Variants in SLC60A2 observed in about 807,000 individuals in gnomAD.
SLC60A2 encodes the protein major facilitator superfamily domain containing 4B.
chr6:111,278,242 C>T, the SLC60A2 span: 1 of 152,096 alleles, frequency 6.6e-6, no homozygotes, highest in African/African-American at 2.4e-5. Flanking sequence ...CAGTAACTGC[C>T]TCATGTAATT....
the SLC60A2 span, among the ~76,000 whole-genome samples, chr6:111,272,018 G>T: frequency 1.3e-5 from 2 of 151,994 alleles, no homozygotes; most frequent in Admixed American, 1.3e-4. Flanking sequence ...GTGTCACTCA[G>T]TCCCCAATCC....
chr6:111,273,299 C>T, the SLC60A2 span, among the ~76,000 whole-genome samples: 2 of 151,962 alleles, frequency 1.3e-5, no homozygotes, highest in Non-Finnish European at 2.9e-5. Context: ...ACAGGTGTCA[C>T]TATGCTTATT....
chr6:111,278,912 A>G, the SLC60A2 span, among the ~76,000 whole-genome samples: 1 of 152,176 alleles, frequency 6.6e-6, no homozygotes, highest in Admixed American at 6.5e-5. Context: ...CGTGATTGCA[A>G]AATGTGTTCT....
the SLC60A2 span, among the ~76,000 whole-genome samples, chr6:111,274,062 C>A: frequency 6.6e-6 from 1 of 152,094 alleles, no homozygotes; most frequent in Admixed American, 6.6e-5. Flanking sequence ...CACTATGTTG[C>A]GCAGGCTGGT....
the SLC60A2 span, among the ~76,000 whole-genome samples, chr6:111,273,091 G>A: frequency 6.6e-6 from 1 of 152,168 alleles, no homozygotes; most frequent in Non-Finnish European, 1.5e-5. Context: ...TCGGGTCAGA[G>A]AAGATATTTT....
the SLC60A2 span, chr6:111,263,960 T>TC: frequency 7.6e-7 from 1 of 1,313,462 alleles, no homozygotes; most frequent in Non-Finnish European, 1.1e-6. Flanking sequence ...AGTGAGCTCT[T>TC]CAACGTCATC....
the SLC60A2 span, chr6:111,262,178 T>TA: frequency 8.4e-7 from 1 of 1,191,086 alleles, no homozygotes; most frequent in Non-Finnish European, 1.2e-6. Context: ...CCTTTTTTTT[T>TA]ATAGTGGAAG....
At chr6:111,278,648 A>G in the SLC60A2 span, 2 of 152,236 alleles carry the variant, frequency 1.3e-5, no homozygotes, top group Admixed American at 6.5e-5. Flanking sequence ...TGCCATCTAT[A>G]TAAGATGTGA....
At chr6:111,272,934 G>A in the SLC60A2 span, among the ~76,000 whole-genome samples, 15,336 of 147,968 alleles carry the variant, frequency 0.1, 1,007 homozygotes, top group Middle Eastern at 0.21. Flanking sequence ...GGGTTCAAGC[G>A]ATTCTCCTGC....
the SLC60A2 span, chr6:111,266,130 G>A: frequency 3.7e-6 from 6 of 1,613,844 alleles, no homozygotes; most frequent in African/African-American, 2.7e-5. Flanking sequence ...TGCTGTTATC[G>A]GTACTTACAT....
the SLC60A2 span, chr6:111,266,087 A>G: frequency 6.2e-7 from 1 of 1,614,140 alleles, no homozygotes; most frequent in Non-Finnish European, 8.5e-7. Flanking sequence ...CTCTGTTTGG[A>G]GTACCTAATG....
chr6:111,276,450 G>A, the SLC60A2 span, among the ~76,000 whole-genome samples: 21 of 152,238 alleles, frequency 1.4e-4, no homozygotes, highest in Admixed American at 4.6e-4. Context: ...GACTTTAGGC[G>A]CATTATGATC....
At chr6:111,272,565 G>T in the SLC60A2 span, among the ~76,000 whole-genome samples, 1 of 141,468 alleles carries the variant, frequency 7.1e-6, no homozygotes, top group African/African-American at 2.6e-5. Context: ...AGGCTGCAGT[G>T]TAATGGCACG....
chr6:111,263,794 A>G, the SLC60A2 span: 2 of 1,123,054 alleles, frequency 1.8e-6, no homozygotes, highest in Non-Finnish European at 2.7e-6. Context: ...GACTGCATGG[A>G]TATTATTTTT....
At chr6:111,276,001 T>G in the SLC60A2 span, among the ~76,000 whole-genome samples, 2 of 152,228 alleles carry the variant, frequency 1.3e-5, no homozygotes, top group African/African-American at 4.8e-5. Context: ...CTGCTCAGAG[T>G]ACTTCATATA....
chr6:111,261,872 G>A, the SLC60A2 span, among the ~76,000 whole-genome samples: 2 of 152,128 alleles, frequency 1.3e-5, no homozygotes, highest in Non-Finnish European at 2.9e-5. Flanking sequence ...GATTACAGGC[G>A]TGAGCTACTG....
the SLC60A2 span, chr6:111,259,367 C>T: frequency 2.9e-6 from 1 of 344,742 alleles, no homozygotes; most frequent in Non-Finnish European, 5.2e-6. Flanking sequence ...GCCACGAACA[C>T]CTGCGGCGTG....
chr6:111,277,784 G>A, the SLC60A2 span: 1 of 152,118 alleles, frequency 6.6e-6, no homozygotes, highest in Non-Finnish European at 1.5e-5. Context: ...TTAGAATTTT[G>A]TAGAAATTAC....
the SLC60A2 span, chr6:111,262,123 G>A: frequency 1.6e-6 from 1 of 627,724 alleles, no homozygotes; most frequent in Non-Finnish European, 2.6e-6. Flanking sequence ...AAAAACAGTA[G>A]TCTAATTCCC....
Sources: gnomAD v4.1 joint callset for allele counts (sites outside exome capture counted in the v4.1 genomes callset) on GRCh38, gnomAD v4.1.1 for gene constraint, MANE v1.5 for transcripts, NCBI Gene and HGNC (gene_info 2026-07-23, HGNC 2026-07-21) for gene names.